The following CCDC62 variants were observed in gnomAD, a reference collection of about 807,000 sequenced individuals.
CCDC62 encodes coiled-coil domain-containing protein 62.
A neutral mutation model predicts 80.8 loss-of-function variants in CCDC62; 72 were observed. The observed-to-expected ratio is 0.89, with a 90% CI of 0.74 to 1.08. The LOEUF (loss-of-function observed/expected upper bound fraction) is 1.08, where lower values mean the gene tolerates loss of function less well. Ranked by LOEUF, CCDC62 falls within the 50% of genes least tolerant of loss-of-function variation. CCDC62 has a pLI of 0.00. For missense variants in CCDC62, 704 were observed against 809.4 expected, an observed-to-expected ratio of 0.87 and a Z score of 1.58; for synonymous variants, 286 against 296.5, an observed-to-expected ratio of 0.96 and a Z score of 0.36.
At chr12:122,813,576 A>G (rs1244720973) in intron 11 of CCDC62, among the ~76,000 whole-genome samples, 157 bp downstream of exon 11, 1 of 152,112 alleles carries the variant, frequency 6.6e-6, no homozygotes, top group African/African-American at 2.4e-5. Context: ...AAGGAGGAAA[A>G]AGTTACACTT....
intron 2 of CCDC62, among the ~76,000 whole-genome samples, chr12:122,780,429 CG>C (rs1461667352): frequency 1.3e-5 from 2 of 150,892 alleles, no homozygotes; most frequent in Non-Finnish European, 2.9e-5. Context: ...CTGGCTAACA[CG>C]GTGAAACCCC....
intron 10 of CCDC62, among the ~76,000 whole-genome samples, chr12:122,807,142 A>G (rs981150427): frequency 6.6e-6 from 1 of 152,190 alleles, no homozygotes; most frequent in Admixed American, 6.6e-5. Context: ...GCCAAAGTGG[A>G]AGAATTGCTT....
At chr12:122,823,859 G>A (rs866977964) in intron 12 of CCDC62, among the ~76,000 whole-genome samples, 52 of 152,024 alleles carry the variant, frequency 3.4e-4, no homozygotes, top group Middle Eastern at 6.8e-3. Context: ...GGTAGTGGGC[G>A]CCTGTAATCC....
chr12:122,814,031 C>T (rs1374425536), intron 11 of CCDC62, among the ~76,000 whole-genome samples: 1 of 151,640 alleles, frequency 6.6e-6, no homozygotes, highest in African/African-American at 2.4e-5. Flanking sequence ...CCTGTAATCC[C>T]AGCACTTTGG....
chr12:122,821,617 T>C (rs944333962), intron 11 of CCDC62, among the ~76,000 whole-genome samples: 11 of 126,700 alleles, frequency 8.7e-5, no homozygotes, highest in Non-Finnish European at 1.8e-4. Context: ...GCCTGGCTAA[T>C]TTTTTTTTAA....
Position 122,792,106 on chromosome 12 carries a change from G to A in CCDC62, c.757G>A (p.Glu253Lys). ...GCAAGAGAAAAGTTGCCTGCACGAT[G>A]AATTGCTTTTTACTGGTAAAACAGA... ...LKQEKSCLHD[E>K]LLFTVEREKR... is the part of the protein sequence containing the mutation. The change falls in exon 6 of 13, where the codon GAA (glutamate) becomes AAA (lysine). Residue 253 changes from glutamate to lysine, a missense_variant. By Grantham distance (56) the Glu-to-Lys change is moderately conservative. Coordinates refer to ENST00000253079, the MANE Select transcript of CCDC62 (RefSeq NM_201435.5). 6.2e-7 allele frequency: 1 copy of A among 1,606,288 alleles called. No homozygotes were observed. The highest frequency in any genetic ancestry group is 8.5e-7 in the Non-Finnish European group (1 of 1,173,394).
At chr12:122,791,180 G>A (rs888861311) in intron 5 of CCDC62, among the ~76,000 whole-genome samples, 2 of 151,726 alleles carry the variant, frequency 1.3e-5, no homozygotes, top group African/African-American at 4.8e-5. Context: ...CACTCTTGTC[G>A]CCCAGGCTGG....
At chr12:122,819,327 G>A (rs1354411754) in intron 11 of CCDC62, among the ~76,000 whole-genome samples, 2 of 152,296 alleles carry the variant, frequency 1.3e-5, no homozygotes, top group South Asian at 2.1e-4. Flanking sequence ...GCCATCTGTC[G>A]CTACAGACAA....
intron 6 of CCDC62, among the ~76,000 whole-genome samples, chr12:122,794,477 A>G (rs1345543772): frequency 6.6e-6 from 1 of 152,162 alleles, no homozygotes; most frequent in African/African-American, 2.4e-5. Context: ...CGTTGGGATT[A>G]CAGGCATGAG....
chr12:122,802,490 T>C (rs2031372269), intron 9 of CCDC62, among the ~76,000 whole-genome samples: 1 of 149,804 alleles, frequency 6.7e-6, no homozygotes, highest in South Asian at 2.1e-4. Context: ...CTTGGCTCAC[T>C]GAAACCTCCG....
At chr12:122,781,416 T>C in intron 3 of CCDC62, 86 bp downstream of exon 3, 1 of 1,311,772 alleles carries the variant, frequency 7.6e-7, no homozygotes, top group Non-Finnish European at 1.1e-6. Flanking sequence ...CCGGGCACGG[T>C]GGCTCACTCC....
At chr12:122,787,311 C>A (rs2030316049) in intron 4 of CCDC62, among the ~76,000 whole-genome samples, 1 of 152,074 alleles carries the variant, frequency 6.6e-6, no homozygotes, top group Non-Finnish European at 1.5e-5. Flanking sequence ...ATTAGCCGGG[C>A]ATGGTGGCAC....
chr12:122,797,799 C>T (rs929125130), intron 7 of CCDC62, among the ~76,000 whole-genome samples: 3 of 152,170 alleles, frequency 2.0e-5, no homozygotes, highest in Non-Finnish European at 4.4e-5. Flanking sequence ...CTCAGCCTCC[C>T]AAAGTGCTGG....
intron 9 of CCDC62, among the ~76,000 whole-genome samples, chr12:122,804,365 T>TA (rs2031471852): frequency 6.6e-6 from 1 of 152,190 alleles, no homozygotes; most frequent in Non-Finnish European, 1.5e-5. Context: ...CACACGCCTG[T>TA]AGTCCCAGCT....
rs36059141 is a variant in CCDC62 at position 122,775,093 on chromosome 12, C to CAAA, written c.36+408_36+410dup. Among the ~76,000 whole-genome samples the CAAA allele has an allele frequency of 3.2e-3, 190 of 59,576 alleles. 2 individuals are homozygous for CAAA. Among genetic ancestry groups the CAAA allele is most frequent in the Admixed American group, 4.0e-3 (16 of 3,964 alleles). The allele number at this position is 59,576 out of a possible 152,430, so 39.1% of individuals were successfully genotyped here. A position where few individuals can be genotyped will look rare whatever the true frequency, so the allele number is the denominator to read the frequency against. On this transcript the variant is annotated intron_variant, in intron 1 of 12. Transcript: ENST00000253079. Reference sequence around the variant, plus strand: ...TGGGCGACAGAGCGAGACTCCGTCTCAAAAAAAAAAAAAAAAAAAAAAAGT... The same window carrying CAAA: ...TGGGCGACAGAGCGAGACTCCGTCTCAAAAAAAAAAAAAAAAAAAAAAAAAAGT...
chr12:122,789,793 C>T (rs2030488481), intron 5 of CCDC62, among the ~76,000 whole-genome samples: 1 of 152,150 alleles, frequency 6.6e-6, no homozygotes, highest in East Asian at 1.9e-4. Context: ...CTTATGATGC[C>T]TTGACCTATG....
intron 11 of CCDC62, among the ~76,000 whole-genome samples, chr12:122,817,042 T>TTTTATTTATTTATTTATTTATTTA (rs371995378): frequency 0.01 from 1,519 of 150,296 alleles, 32 homozygotes; most frequent in African/African-American, 0.036. Context: ...TATTTTTAAA[T>TTTTATTTATTTATTTATTTATTTA]TTTATTTATT....
At chr12:122,804,775 TG>T (rs1384767580) in intron 9 of CCDC62, among the ~76,000 whole-genome samples, 3 of 151,438 alleles carry the variant, frequency 2.0e-5, no homozygotes, top group Non-Finnish European at 1.5e-5. Context: ...TGGAGTGCAG[TG>T]GTATAATCAT....
intron 2 of CCDC62, among the ~76,000 whole-genome samples, chr12:122,778,901 A>G (rs1879650690): frequency 6.6e-6 from 1 of 150,778 alleles, no homozygotes. Flanking sequence ...AACAAACAAA[A>G]AACCCAAATA....
Sources: gnomAD v4.1 joint callset for allele counts (sites outside exome capture counted in the v4.1 genomes callset) on GRCh38, gnomAD v4.1.1 for gene constraint, MANE v1.5 for transcripts, NCBI Gene and HGNC (gene_info 2026-07-23, HGNC 2026-07-21) for gene names.